FSTL5: variants seen among roughly 807,000 people sequenced by gnomAD.
FSTL5 encodes follistatin-related protein 5.
In FSTL5, 62 loss-of-function variants were observed where a neutral mutation model predicts 89.1. The ratio of observed to expected loss-of-function variants is 0.70; its 90% CI spans 0.57 to 0.86. The LOEUF (loss-of-function observed/expected upper bound fraction) is 0.86. Among genes scored for constraint, FSTL5 ranks in the 40% least tolerant of loss-of-function variants. The pLI is 0.00. For synonymous variants in FSTL5, 383 were observed against 346.2 expected (o/e 1.11, Z -1.18); for missense variants, 1,057 against 1,001.6 (o/e 1.06, Z -0.75).
At chr4:161,750,460 GTAAAT>G (rs1340047657) in intron 6 of FSTL5, among the ~76,000 whole-genome samples, 2 of 152,112 alleles carry the variant, frequency 1.3e-5, no homozygotes, top group Non-Finnish European at 1.5e-5. Flanking sequence ...ACGTGTTTAA[GTAAAT>G]AAAATGTTAT....
chr4:161,846,670 T>C (rs962626603), intron 4 of FSTL5, among the ~76,000 whole-genome samples: 6 of 152,198 alleles, frequency 3.9e-5, no homozygotes, highest in African/African-American at 1.4e-4. Flanking sequence ...GTAGTTTTTA[T>C]GTCATTGACA....
intron 2 of FSTL5, among the ~76,000 whole-genome samples, chr4:162,101,699 T>C (rs528600587): frequency 5.7e-4 from 87 of 152,336 alleles, no homozygotes; most frequent in African/African-American, 2.0e-3. Context: ...AATAAAACCC[T>C]TCCAGTTGTG....
intron 8 of FSTL5, among the ~76,000 whole-genome samples, chr4:161,573,412 CA>C (rs59381258): frequency 0.23 from 26,726 of 118,472 alleles, 2,237 homozygotes; most frequent in South Asian, 0.26. Context: ...AAAACCCTGT[CA>C]AAAAAAAAAA....
rs192545322 is a variant in FSTL5, at chr4:162,130,310, G to A, written c.-16-18898C>T. Among the ~76,000 whole-genome samples, 20 of 152,234 alleles carry A rather than the reference G, an allele frequency of 1.3e-4. No homozygotes were observed. The East Asian group carries it at 2.7e-3, about 21-fold the overall frequency. On this transcript the variant is annotated intron_variant, in intron 1 of 15. Transcript: ENST00000306100. ...TAACTATGCATTTAACCCTTATCAC[G>A]TGCATAATAAAGAGGTTCATGAGTT...
intron 12 of FSTL5, among the ~76,000 whole-genome samples, chr4:161,487,128 T>C (rs1411893331): frequency 2.0e-5 from 3 of 152,202 alleles, no homozygotes; most frequent in African/African-American, 7.2e-5. Context: ...AATCATATAT[T>C]ATATTTCCAA....
intron 11 of FSTL5, 91 bp downstream of exon 11, chr4:161,510,307 A>C (rs756131347): frequency 6.7e-5 from 53 of 791,122 alleles, no homozygotes; most frequent in Non-Finnish European, 9.5e-5. Flanking sequence ...CAAAATGAAA[A>C]AGAAGGTAAT....
intron 2 of FSTL5, among the ~76,000 whole-genome samples, chr4:162,068,508 T>C (rs1212368849): frequency 1.3e-5 from 2 of 151,908 alleles, no homozygotes; most frequent in African/African-American, 4.8e-5. Context: ...ATGCAGAAAA[T>C]TGAAACTGGA....
At chr4:161,434,715 C>G (rs1235487215) in intron 15 of FSTL5, among the ~76,000 whole-genome samples, 1 of 125,128 alleles carries the variant, frequency 8.0e-6, no homozygotes, top group Admixed American at 8.0e-5. Flanking sequence ...GCTCAAAAAA[C>G]TCTATAAGAA....
chr4:161,828,702 A>C (rs1041009441), intron 4 of FSTL5, among the ~76,000 whole-genome samples: 2 of 152,124 alleles, frequency 1.3e-5, no homozygotes, highest in South Asian at 4.1e-4. Context: ...TTAGGCTAAG[A>C]TTTAGTGATA....
intron 6 of FSTL5, among the ~76,000 whole-genome samples, chr4:161,732,517 T>G (rs1305635339): frequency 6.6e-6 from 1 of 152,004 alleles, no homozygotes; most frequent in Non-Finnish European, 1.5e-5. Context: ...TTTGAATAAT[T>G]TTTGTTGTCT....
At chr4:161,972,219 A>G (rs1735504809) in intron 3 of FSTL5, among the ~76,000 whole-genome samples, 1 of 151,796 alleles carries the variant, frequency 6.6e-6, no homozygotes, top group African/African-American at 2.4e-5. Flanking sequence ...AGCCTCACGA[A>G]TAGCTGGGAT....
intron 13 of FSTL5, among the ~76,000 whole-genome samples, chr4:161,467,690 A>T (rs1733792854): frequency 6.6e-6 from 1 of 152,114 alleles, no homozygotes; most frequent in South Asian, 2.1e-4. Flanking sequence ...TCTGAGGACT[A>T]AAATTCACAT....
intron 12 of FSTL5, among the ~76,000 whole-genome samples, chr4:161,495,851 G>A (rs1452564075): frequency 6.6e-6 from 1 of 151,942 alleles, no homozygotes; most frequent in African/African-American, 2.4e-5. Flanking sequence ...TCCACCACTG[G>A]TACTCAGGAA....
At chr4:161,524,014 A>G (rs1731121645) in intron 10 of FSTL5, among the ~76,000 whole-genome samples, 1 of 152,192 alleles carries the variant, frequency 6.6e-6, no homozygotes, top group Non-Finnish European at 1.5e-5. Flanking sequence ...GTTTCAGGCC[A>G]TGATGGGAAG....
chr4:161,428,177 A>T (rs1307993075), intron 15 of FSTL5, among the ~76,000 whole-genome samples: 2 of 151,724 alleles, frequency 1.3e-5, no homozygotes, highest in Non-Finnish European at 2.9e-5. Flanking sequence ...CTATGGAGGG[A>T]GCATTGAACC....
At chr4:161,880,434 G>A (rs999473229) in intron 4 of FSTL5, among the ~76,000 whole-genome samples, 1 of 151,846 alleles carries the variant, frequency 6.6e-6, no homozygotes, top group African/African-American at 2.4e-5. Context: ...ATATATCATT[G>A]AACTGGAAAC....
chr4:162,089,112 C>T (rs138287141), intron 2 of FSTL5, among the ~76,000 whole-genome samples: 109 of 152,250 alleles, frequency 7.2e-4, no homozygotes, highest in African/African-American at 2.3e-3. Flanking sequence ...CTCTCTCTCT[C>T]TCTCACCCTC....
At chr4:161,770,812 AT>A (rs2126799696) in intron 5 of FSTL5, among the ~76,000 whole-genome samples, 1 of 152,036 alleles carries the variant, frequency 6.6e-6, no homozygotes, top group South Asian at 2.1e-4. Context: ...TCAATTTAAC[AT>A]TTTATCTATA....
At chr4:161,884,507 T>C (rs1732738221) in intron 4 of FSTL5, among the ~76,000 whole-genome samples, 1 of 152,190 alleles carries the variant, frequency 6.6e-6, no homozygotes, top group Non-Finnish European at 1.5e-5. Flanking sequence ...TAGTATGTTA[T>C]GAAAACTACT....
Sources: allele counts gnomAD v4.1 joint callset (sites outside exome capture counted in the v4.1 genomes callset), GRCh38; gene constraint gnomAD v4.1.1; transcripts MANE v1.5; gene names NCBI Gene and HGNC (gene_info 2026-07-23, HGNC 2026-07-21).